THSD7A: variants seen among roughly 807,000 people sequenced by gnomAD.
The protein encoded by THSD7A is thrombospondin type 1 domain containing 7A, also known as thrombospondin type-1 domain-containing protein 7A.
THSD7A carries 96 observed loss-of-function variants against 231.3 expected under a neutral mutation model. That is an observed-to-expected ratio of 0.41 (90% CI 0.35 to 0.49). The LOEUF is 0.49. Among genes scored for constraint, THSD7A ranks in the 20% least tolerant of loss-of-function variants. The pLI is 0.05. For missense variants in THSD7A, 2,290 were observed against 2,070.2 expected (o/e 1.11, Z -2.06); for synonymous variants, 940 against 743.3 (o/e 1.26, Z -4.30).
chr7:11,633,727 TA>T, intron 2 of THSD7A, among the ~76,000 whole-genome samples: 1 of 152,316 alleles, frequency 6.6e-6, no homozygotes, highest in Admixed American at 6.5e-5. Flanking sequence ...GATTTTGGTC[TA>T]TTGGAAAGTG....
intron 1 of THSD7A, among the ~76,000 whole-genome samples, chr7:11,714,390 G>A (rs1490321772): frequency 6.6e-6 from 1 of 151,110 alleles, no homozygotes; most frequent in African/African-American, 2.4e-5. Flanking sequence ...TGAATCATAT[G>A]TATTTTGTCA....
chr7:11,567,028 G>A (rs1790372208), intron 4 of THSD7A, among the ~76,000 whole-genome samples: 1 of 141,136 alleles, frequency 7.1e-6, no homozygotes, highest in South Asian at 2.3e-4. Flanking sequence ...CTAAGGACCA[G>A]CTCTAGGTTT....
At chr7:11,488,823 GA>G (rs1225132658) in intron 6 of THSD7A, among the ~76,000 whole-genome samples, 2 of 152,076 alleles carry the variant, frequency 1.3e-5, no homozygotes, top group African/African-American at 4.8e-5. Flanking sequence ...TCTATCCACA[GA>G]AAGCTTTCAT....
At chr7:11,384,903 T>C (rs1374080754) in intron 23 of THSD7A, 2 of 151,984 alleles carry the variant, frequency 1.3e-5, no homozygotes, top group Non-Finnish European at 2.9e-5. Context: ...ATAGATTTTA[T>C]AGGTAAATCT....
chr7:11,445,959 T>C, intron 13 of THSD7A, 102 bp downstream of exon 13: 1 of 1,387,958 alleles, frequency 7.2e-7, no homozygotes, highest in Admixed American at 1.8e-5. Flanking sequence ...TAATTTAGAA[T>C]ATACGTCTGT....
chr7:11,517,261 G>C (rs772968852), intron 6 of THSD7A, among the ~76,000 whole-genome samples: 1 of 151,936 alleles, frequency 6.6e-6, no homozygotes, highest in African/African-American at 2.4e-5. Flanking sequence ...TGTATTTTTA[G>C]TAGAGACGGG....
At chr7:11,471,545 T>C (rs1297338172) in intron 8 of THSD7A, among the ~76,000 whole-genome samples, 1 of 152,058 alleles carries the variant, frequency 6.6e-6, no homozygotes, top group Admixed American at 6.6e-5. Flanking sequence ...TATTCAATTA[T>C]ATAGATCAAT....
chr7:11,810,370 C>T (rs1204979129), intron 1 of THSD7A, among the ~76,000 whole-genome samples: 1 of 152,134 alleles, frequency 6.6e-6, no homozygotes, highest in Non-Finnish European at 1.5e-5. Context: ...CCCTTCCTTG[C>T]CCATCTCCAG....
chr7:11,505,286 T>C, intron 6 of THSD7A, among the ~76,000 whole-genome samples: 1 of 152,176 alleles, frequency 6.6e-6, no homozygotes, highest in East Asian at 1.9e-4. Flanking sequence ...TCTCTCAAAA[T>C]GTTTTACAAG....
In THSD7A at chr7:11,512,729, G is replaced by A. The variant is rs1462426796; in HGVS notation, c.1822+28690C>T. Among the ~76,000 whole-genome samples, 6 of 135,740 alleles carry A rather than the reference G, an allele frequency of 4.4e-5. No individual in the cohort carries two copies. In the East Asian group the frequency reaches 1.2e-3, roughly 26 times the overall value. The allele number at this position is 135,740 out of a possible 152,430, so 89.1% of individuals were successfully genotyped here. A position where few individuals can be genotyped will look rare whatever the true frequency, so the allele number is the denominator to read the frequency against. ...CACTCATAGGTGGGAACTGAACAATGAGAACACTTGGTCACAGGGTGGGGA... is the reference window on the plus strand; with the variant it reads ...CACTCATAGGTGGGAACTGAACAATAAGAACACTTGGTCACAGGGTGGGGA... On this transcript the variant is annotated intron_variant, in intron 6 of 27. Coordinates refer to ENST00000423059, the MANE Select transcript of THSD7A (RefSeq NM_015204.3).
intron 1 of THSD7A, among the ~76,000 whole-genome samples, chr7:11,665,185 C>G (rs1562456515): frequency 6.6e-6 from 1 of 151,926 alleles, no homozygotes; most frequent in African/African-American, 2.4e-5. Flanking sequence ...AGCATATTTC[C>G]AAGGAGAAAA....
intron 6 of THSD7A, among the ~76,000 whole-genome samples, chr7:11,510,604 G>T (rs1429898943): frequency 6.6e-6 from 1 of 152,196 alleles, no homozygotes; most frequent in Non-Finnish European, 1.5e-5. Context: ...TCCCTGGGAT[G>T]CAAGGCTGGT....
Position 11,462,102 on chromosome 7 carries a change from T to G in THSD7A, c.2410A>C (p.Ile804Leu). The G allele has an allele frequency of 6.2e-7, 1 of 1,613,808 alleles. No homozygotes were observed. Among genetic ancestry groups the G allele is most frequent in the Non-Finnish European group, 8.5e-7 (1 of 1,179,766 alleles). The change falls in exon 10 of 28, where the codon ATT becomes CTT. Residue 804 changes from isoleucine (I) to leucine (L), a missense_variant. Coordinates refer to ENST00000423059, the MANE Select transcript of THSD7A (RefSeq NM_015204.3). ...IRKQSRHRVIIQLPANGGRDC... is the reference protein window; with the variant it reads ...IRKQSRHRVILQLPANGGRDC... Reference sequence around the variant, plus strand: ...CGGCCCCCGTTGGCTGGCAGCTGAATGATGACCCGATGCCTAGACTGCTTC... The same window carrying G: ...CGGCCCCCGTTGGCTGGCAGCTGAAGGATGACCCGATGCCTAGACTGCTTC...
intron 6 of THSD7A, among the ~76,000 whole-genome samples, chr7:11,508,820 C>T (rs1469186969): frequency 1.3e-5 from 2 of 152,300 alleles, no homozygotes; most frequent in East Asian, 3.9e-4. Context: ...AGACATTATG[C>T]TAAGTGAAAT....
chr7:11,600,777 T>C (rs894192970), intron 2 of THSD7A, among the ~76,000 whole-genome samples: 1 of 152,240 alleles, frequency 6.6e-6, no homozygotes, highest in African/African-American at 2.4e-5. Flanking sequence ...TCCATTTTAA[T>C]GCAACAACTC....
chr7:11,462,738 T>C (rs573806468), intron 9 of THSD7A, among the ~76,000 whole-genome samples: 2 of 152,274 alleles, frequency 1.3e-5, no homozygotes, highest in African/African-American at 2.4e-5. Flanking sequence ...AGTGGTTTCT[T>C]AGAGGCAGAC....
intron 4 of THSD7A, among the ~76,000 whole-genome samples, chr7:11,569,301 C>G (rs1356842470): frequency 6.6e-6 from 1 of 152,008 alleles, no homozygotes; most frequent in Non-Finnish European, 1.5e-5. Context: ...GCACTAACGT[C>G]TAGAATATAC....
chr7:11,554,862 G>T (rs4504531), intron 4 of THSD7A, among the ~76,000 whole-genome samples: 25,426 of 151,744 alleles, frequency 0.17, 2,169 homozygotes, highest in Admixed American at 0.19. Flanking sequence ...TTCTTCCCAT[G>T]TAGTCTAAGT....
At chr7:11,673,743 A>G (rs187789385) in intron 1 of THSD7A, among the ~76,000 whole-genome samples, 1 of 152,086 alleles carries the variant, frequency 6.6e-6, no homozygotes, top group Admixed American at 6.5e-5. Context: ...CTTGATAGTC[A>G]AGGCTTCTCC....
Sources: gnomAD v4.1 joint callset for allele counts (sites outside exome capture counted in the v4.1 genomes callset) on GRCh38, gnomAD v4.1.1 for gene constraint, MANE v1.5 for transcripts, NCBI Gene and HGNC (gene_info 2026-07-23, HGNC 2026-07-21) for gene names.